The following USH2A variants were observed in gnomAD, a reference collection of about 807,000 sequenced individuals.
USH2A encodes the protein usherin.
A neutral mutation model predicts 538.9 loss-of-function variants in USH2A; 443 were observed. The observed-to-expected ratio is 0.82, with a 90% confidence interval of 0.76 to 0.89. USH2A has a LOEUF of 0.89. USH2A is among the 40% of genes least tolerant of loss of function. USH2A has a pLI of 0.00. For missense variants in USH2A, 6,633 were observed against 6,324.8 expected, an observed-to-expected ratio of 1.05 and a Z score of -1.65; for synonymous variants, 2,413 against 2,273.5, an observed-to-expected ratio of 1.06 and a Z score of -1.75.
chr1:215,911,307 T>G (rs1358395615), intron 38 of USH2A, among the ~76,000 whole-genome samples: 1 of 152,000 alleles, frequency 6.6e-6, no homozygotes, highest in East Asian at 1.9e-4. Context: ...TATGCATTCA[T>G]TCTATTTTTT....
chr1:215,647,567 C>T lies in USH2A; in HGVS notation c.14746G>A (p.Gly4916Ser). ...KLRVVAHNEVGSTASEWISFT... is the reference protein window; with the variant it reads ...KLRVVAHNEVSSTASEWISFT... ...CTGATCCACTCGGAAGCCGTACTGC[C>T]CACCTCGTTGTGTGCCACCACTCTC... Residue 4916 changes from glycine to serine, a missense_variant, in exon 67 of 72, where the codon GGC becomes AGC. Transcript: ENST00000307340. 1 of 1,614,106 alleles carries T rather than the reference C, an allele frequency of 6.2e-7. No homozygotes were observed. The highest frequency in any genetic ancestry group is 1.1e-5 in the South Asian group (1 of 91,074).
intron 26 of USH2A, among the ~76,000 whole-genome samples, chr1:216,080,798 G>A (rs765619271): frequency 2.6e-5 from 4 of 151,052 alleles, no homozygotes; most frequent in Non-Finnish European, 5.9e-5. Flanking sequence ...TGTAAGCATG[G>A]TAATTGTTCA....
intron 32 of USH2A, among the ~76,000 whole-genome samples, chr1:216,022,897 T>C (rs1668873648): frequency 6.6e-6 from 1 of 152,256 alleles, no homozygotes; most frequent in South Asian, 2.1e-4. Flanking sequence ...GTGCTCCTTA[T>C]GCCCATAGAT....
intron 13 of USH2A, among the ~76,000 whole-genome samples, chr1:216,240,481 G>A (rs1301102039): frequency 3.3e-5 from 5 of 149,752 alleles, no homozygotes; most frequent in Non-Finnish European, 7.4e-5. Flanking sequence ...GGTCCACTGA[G>A]TGCCCAGGGA....
intron 21 of USH2A, among the ~76,000 whole-genome samples, chr1:216,147,049 A>G (rs1367996386): frequency 6.6e-6 from 1 of 152,198 alleles, no homozygotes; most frequent in Admixed American, 6.5e-5. Context: ...GGTGCCTGAC[A>G]TCCAGGCATT....
At chr1:216,154,377 C>A (rs1187878534) in intron 21 of USH2A, among the ~76,000 whole-genome samples, 2 of 152,068 alleles carry the variant, frequency 1.3e-5, no homozygotes, top group African/African-American at 4.8e-5. Flanking sequence ...AAGTTTCTAT[C>A]TGAAAGAGCT....
chr1:216,047,000 A>G (rs747207956), intron 31 of USH2A, among the ~76,000 whole-genome samples: 1 of 152,206 alleles, frequency 6.6e-6, no homozygotes, highest in Non-Finnish European at 1.5e-5. Context: ...ACCTATATGT[A>G]ATGATAAGAA....
intron 32 of USH2A, among the ~76,000 whole-genome samples, chr1:216,004,066 G>A (rs1668335775): frequency 6.6e-6 from 1 of 152,116 alleles, no homozygotes; most frequent in African/African-American, 2.4e-5. Context: ...GCAAAGGGAA[G>A]GATAAAGTAA....
chr1:215,627,903 A>G (rs983216233), intron 71 of USH2A, among the ~76,000 whole-genome samples: 3 of 152,148 alleles, frequency 2.0e-5, no homozygotes, highest in Non-Finnish European at 2.9e-5. Flanking sequence ...GCACAATGAA[A>G]TTTGATAGTT....
intron 30 of USH2A, among the ~76,000 whole-genome samples, chr1:216,049,055 G>T (rs200115043): frequency 1.4e-4 from 21 of 152,162 alleles, no homozygotes; most frequent in Admixed American, 7.9e-4. Context: ...TTTTTCAACC[G>T]TATTTAACTA....
At chr1:215,647,479 A>AT in intron 67 of USH2A, 43 bp downstream of exon 67, 1 of 1,611,946 alleles carries the variant, frequency 6.2e-7, no homozygotes. Context: ...TCCTGACCAC[A>AT]TTCCAATCTC....
rs1439202475 is a variant in USH2A, at chr1:216,323,618, T to C, written c.1406A>G (p.Asn469Ser). 1 of 1,613,454 alleles carries C rather than the reference T, an allele frequency of 6.2e-7. No individual in the cohort carries two copies. The highest frequency in any genetic ancestry group is 2.2e-5 in the East Asian group (1 of 44,796). ...PGPNYRPGYN[N>S]FYNTPSLQEF... ...TTGAAGAGATGGGGTATTATAGAAG[T>C]TATTGTATCCAGGACGATAATTTGG... The change falls in exon 8 of 72, where the codon AAC (asparagine) becomes AGC (serine). Residue 469 changes from asparagine to serine, a missense_variant. Asn to Ser is a conservative substitution (Grantham distance 46). Coordinates refer to ENST00000307340, the MANE Select transcript of USH2A (RefSeq NM_206933.4).
At chr1:216,131,520 C>A (rs2033376261) in intron 21 of USH2A, among the ~76,000 whole-genome samples, 2 of 152,044 alleles carry the variant, frequency 1.3e-5, no homozygotes, top group Admixed American at 1.3e-4. Flanking sequence ...CATTCTCCTA[C>A]AGTTAAAATG....
intron 58 of USH2A, among the ~76,000 whole-genome samples, chr1:215,750,362 G>A (rs1660588060): frequency 6.6e-6 from 1 of 151,868 alleles, no homozygotes; most frequent in Admixed American, 6.6e-5. Context: ...TGACAAGAGG[G>A]ACAGTGTCTC....
At chr1:216,249,934 T>C (rs1377681901) in intron 12 of USH2A, among the ~76,000 whole-genome samples, 2 of 152,082 alleles carry the variant, frequency 1.3e-5, no homozygotes, top group Non-Finnish European at 2.9e-5. Context: ...TTTTTACTAT[T>C]GTAAGGTTCA....
chr1:215,756,048 G>A (rs1036660166), intron 58 of USH2A, among the ~76,000 whole-genome samples: 4 of 152,064 alleles, frequency 2.6e-5, no homozygotes, highest in African/African-American at 9.7e-5. Context: ...AGCAATTAAA[G>A]ATAAAAAAAT....
intron 38 of USH2A, among the ~76,000 whole-genome samples, chr1:215,920,483 T>C (rs1247144044): frequency 1.3e-5 from 2 of 152,090 alleles, no homozygotes; most frequent in African/African-American, 2.4e-5. Context: ...TATCATGCTT[T>C]ATGTCCTTTA....
intron 21 of USH2A, among the ~76,000 whole-genome samples, chr1:216,167,594 C>A (rs1420654700): frequency 6.6e-6 from 1 of 152,030 alleles, no homozygotes; most frequent in East Asian, 1.9e-4. Context: ...GACAGCCCAC[C>A]CCAAGGGAAG....
Position 215,628,962 on chromosome 1 carries a change from A to G in USH2A, c.15371T>C (p.Leu5124Pro). 6.2e-7 allele frequency: 1 copy of G among 1,614,140 alleles called. No homozygotes were observed. Among genetic ancestry groups the G allele is most frequent in the Non-Finnish European group, 8.5e-7 (1 of 1,180,036 alleles). ...GGTTTGGTTTTGACTCGGGATGCGC[A>G]GGACACATGCACTCCGGTTGCTGCG... ...SIRSNRSACV[L>P]RIPSQNQTSL... The change falls in exon 71 of 72, where the codon CTG becomes CCG. Residue 5124 changes from leucine (L) to proline (P), a missense_variant. Physicochemically the swap from Leu to Pro is moderately conservative, Grantham distance 98. Transcript: ENST00000307340.
Sources: gnomAD v4.1 joint callset for allele counts (sites outside exome capture counted in the v4.1 genomes callset) on GRCh38, gnomAD v4.1.1 for gene constraint, MANE v1.5 for transcripts, NCBI Gene and HGNC (gene_info 2026-07-23, HGNC 2026-07-21) for gene names.